The following KCNH5 variants were observed in gnomAD, a reference collection of about 807,000 sequenced individuals.
KCNH5 encodes the protein potassium voltage-gated channel subfamily H member 5.
A neutral mutation model predicts 96.1 loss-of-function variants in KCNH5; 46 were observed. That is an observed-to-expected ratio of 0.48 (90% confidence interval 0.38 to 0.61). The LOEUF (loss-of-function observed/expected upper bound fraction) is 0.61. KCNH5 is among the 20% of genes least tolerant of loss of function. The probability of loss-of-function intolerance (pLI) is 0.00; values close to 1 mark genes in which losing one functional copy is unlikely to be tolerated. For missense variants in KCNH5, 907 were observed against 1,225.8 expected (o/e 0.74, Z 3.88); for synonymous variants, 439 against 449.8 (o/e 0.98, Z 0.30).
chr14:62,812,414 A>G (rs540584971), intron 8 of KCNH5, among the ~76,000 whole-genome samples: 26 of 152,268 alleles, frequency 1.7e-4, no homozygotes, highest in Admixed American at 5.2e-4. Context: ...GTTATATCAC[A>G]TTACTACTCA....
chr14:62,789,069 A>G (rs1232398962), intron 9 of KCNH5, among the ~76,000 whole-genome samples: 3 of 152,038 alleles, frequency 2.0e-5, no homozygotes, highest in Non-Finnish European at 4.4e-5. Flanking sequence ...CCTTTGACCT[A>G]CATGTACTCA....
At chr14:62,783,690 C>A (rs950234450) in intron 9 of KCNH5, among the ~76,000 whole-genome samples, 29 of 151,858 alleles carry the variant, frequency 1.9e-4, no homozygotes, top group African/African-American at 6.5e-4. Flanking sequence ...TAATGATAAC[C>A]CTAGATTTTT....
At chr14:62,795,263 C>A (rs1841849105) in intron 9 of KCNH5, among the ~76,000 whole-genome samples, 1 of 152,100 alleles carries the variant, frequency 6.6e-6, no homozygotes, top group African/African-American at 2.4e-5. Context: ...GTACCCAGAA[C>A]TGAAACAATT....
chr14:62,941,026 C>T (rs754320958), intron 7 of KCNH5, among the ~76,000 whole-genome samples: 1 of 152,200 alleles, frequency 6.6e-6, no homozygotes, highest in African/African-American at 2.4e-5. Context: ...AAGGGAGAGA[C>T]AGATGGATCA....
At position 62,758,143 on chromosome 14, in the gene KCNH5, CAA is replaced by C. The variant is rs57935686; in HGVS notation, c.2019+21583_2019+21584del. Reference sequence around the variant, plus strand: ...TTGGTGACAGAGCGAGACTCCATCTCAAAAAAAAAAAAAAAAAGTTACAAATA... The same window carrying C: ...TTGGTGACAGAGCGAGACTCCATCTCAAAAAAAAAAAAAAAGTTACAAATA... On this transcript the variant is annotated intron_variant, in intron 10 of 10. Transcript: ENST00000322893. Among the ~76,000 whole-genome samples the C allele has an allele frequency of 5.2e-3, 541 of 104,066 alleles. 10 individuals are homozygous for C. The highest frequency in any genetic ancestry group is 0.038 in the Admixed American group (399 of 10,612). The allele number at this position is 104,066 out of a possible 152,430, so 68.3% of individuals were successfully genotyped here.
intron 4 of KCNH5, among the ~76,000 whole-genome samples, chr14:62,998,809 T>C (rs747256946): frequency 3.3e-5 from 5 of 152,176 alleles, no homozygotes; most frequent in Non-Finnish European, 7.3e-5. Context: ...TCTGATAACA[T>C]ACTTTTTAAG....
At chr14:62,818,261 T>C (rs894589944) in intron 8 of KCNH5, among the ~76,000 whole-genome samples, 4 of 152,076 alleles carry the variant, frequency 2.6e-5, no homozygotes, top group Non-Finnish European at 4.4e-5. Flanking sequence ...GGTAACTGTG[T>C]GAGATGATAG....
intron 1 of KCNH5, among the ~76,000 whole-genome samples, chr14:63,025,078 A>G (rs1891500579): frequency 6.6e-6 from 1 of 152,200 alleles, no homozygotes. Flanking sequence ...GGATTGTTCA[A>G]TATATGCAAA....
intron 7 of KCNH5, among the ~76,000 whole-genome samples, chr14:62,867,527 C>A (rs1279099135): frequency 6.6e-6 from 1 of 152,186 alleles, no homozygotes; most frequent in East Asian, 1.9e-4. Flanking sequence ...CCATGCTCAA[C>A]CCATCTCTTC....
intron 7 of KCNH5, among the ~76,000 whole-genome samples, chr14:62,939,214 T>A (rs970085655): frequency 9.9e-5 from 15 of 152,092 alleles, no homozygotes; most frequent in Admixed American, 7.9e-4. Flanking sequence ...AGCTCTCTCA[T>A]CCTTTGTTAG....
intron 8 of KCNH5, among the ~76,000 whole-genome samples, chr14:62,848,129 C>A (rs1887734694): frequency 1.3e-5 from 2 of 152,184 alleles, no homozygotes; most frequent in East Asian, 3.9e-4. Context: ...TTATTAGTTA[C>A]CATGTGGCTC....
At chr14:63,042,941 T>C (rs1327968253) in intron 1 of KCNH5, among the ~76,000 whole-genome samples, 2 of 152,166 alleles carry the variant, frequency 1.3e-5, no homozygotes, top group Non-Finnish European at 2.9e-5. Context: ...AAGTTAGCCA[T>C]AGGCGATTAG....
intron 9 of KCNH5, among the ~76,000 whole-genome samples, chr14:62,797,045 T>C (rs372907388): frequency 2.6e-5 from 4 of 152,164 alleles, no homozygotes; most frequent in South Asian, 2.1e-4. Flanking sequence ...CTTAGTGATC[T>C]TGGGGGCCCA....
chr14:62,961,887 T>C (rs1890215090), intron 6 of KCNH5, among the ~76,000 whole-genome samples: 1 of 143,608 alleles, frequency 7.0e-6, no homozygotes, highest in Admixed American at 7.0e-5. Context: ...CAGAAGGAGA[T>C]GGAGATGGAG....
At chr14:62,809,579 G>A (rs1445723317) in intron 8 of KCNH5, among the ~76,000 whole-genome samples, 2 of 152,002 alleles carry the variant, frequency 1.3e-5, no homozygotes, top group Admixed American at 1.3e-4. Context: ...CCCATGGCAG[G>A]GCTTGGCTTT....
At chr14:62,960,120 G>T (rs901023177) in intron 6 of KCNH5, among the ~76,000 whole-genome samples, 3 of 152,108 alleles carry the variant, frequency 2.0e-5, no homozygotes, top group Non-Finnish European at 4.4e-5. Flanking sequence ...CGAACACAGG[G>T]ATTATGCACT....
At chr14:63,023,318 C>A (rs1489181088) in intron 1 of KCNH5, among the ~76,000 whole-genome samples, 9 of 152,064 alleles carry the variant, frequency 5.9e-5, no homozygotes, top group African/African-American at 2.2e-4. Flanking sequence ...TAGCACAGTG[C>A]CTGACACATA....
chr14:62,981,585 T>C (rs1281134675), intron 5 of KCNH5, among the ~76,000 whole-genome samples: 2 of 152,244 alleles, frequency 1.3e-5, no homozygotes, highest in East Asian at 3.8e-4. Flanking sequence ...ATGGCTCTCA[T>C]GGACTGTCCA....
intron 7 of KCNH5, among the ~76,000 whole-genome samples, chr14:62,879,939 G>C (rs1888459094): frequency 2.0e-5 from 3 of 152,074 alleles, no homozygotes; most frequent in South Asian, 2.1e-4. Context: ...GCAGGACTTT[G>C]TATCTACTTT....
Sources: gnomAD v4.1 joint callset for allele counts (sites outside exome capture counted in the v4.1 genomes callset) on GRCh38, gnomAD v4.1.1 for gene constraint, MANE v1.5 for transcripts, NCBI Gene and HGNC (gene_info 2026-07-23, HGNC 2026-07-21) for gene names.